The following NFATC1 variants were observed in gnomAD, a reference collection of about 807,000 sequenced individuals.
NFATC1 encodes nuclear factor of activated T cells 1.
A neutral mutation model predicts 76.0 loss-of-function variants in NFATC1; 22 were observed. The ratio of observed to expected loss-of-function variants is 0.29; its 90% CI spans 0.21 to 0.41. NFATC1 has a LOEUF of 0.41. NFATC1 is among the 10% of genes least tolerant of loss of function. The pLI is 1.00. For missense variants in NFATC1, 1,357 were observed against 1,337.7 expected, an observed-to-expected ratio of 1.01 and a Z score of -0.23; for synonymous variants, 704 against 613.1, an observed-to-expected ratio of 1.15 and a Z score of -2.19.
intron 8 of NFATC1, among the ~76,000 whole-genome samples, chr18:79,476,576 C>T (rs1159911461): frequency 6.6e-6 from 1 of 152,210 alleles, no homozygotes; most frequent in Non-Finnish European, 1.5e-5. Flanking sequence ...CTGAGACCCC[C>T]ATCAAGTACC....
At position 79,525,569 on chromosome 18, in the gene NFATC1, C is replaced by T. The variant is rs190479219; in HGVS notation, c.2783-1959C>T. 2.7e-4 allele frequency among the ~76,000 whole-genome samples: 41 copies of T among 152,328 alleles called. 1 individual carries two copies. Among genetic ancestry groups the T allele is most frequent in the Middle Eastern group, 6.8e-3 (2 of 294 alleles). The stretch of plus-strand genomic sequence containing the variant: ...GTTACCTCTCAGGCCTCCCTCCTGT[C>T]CCTGTCGCTGTTACCCTTCAGGGTC... On this transcript the variant is annotated intron_variant, in intron 9 of 9. Transcript: ENST00000427363.
intron 2 of NFATC1, among the ~76,000 whole-genome samples, chr18:79,427,036 G>A (rs1038240634): frequency 5.3e-5 from 8 of 152,244 alleles, no homozygotes; most frequent in African/African-American, 1.7e-4. Flanking sequence ...GGCAGAAGCT[G>A]TGGCCACATG....
intron 9 of NFATC1, chr18:79,497,240 A>G (rs1057255571): frequency 6.6e-6 from 1 of 152,302 alleles, no homozygotes; most frequent in African/African-American, 2.4e-5. Flanking sequence ...ACAAAAATAC[A>G]GCATCACTGT....
At chr18:79,411,568 A>C in intron 2 of NFATC1, 67 bp downstream of exon 2, 1 of 1,055,572 alleles carries the variant, frequency 9.5e-7, no homozygotes, top group Non-Finnish European at 1.2e-6. Flanking sequence ...GAACGCGGGG[A>C]GCGGGACGGG....
intron 2 of NFATC1, among the ~76,000 whole-genome samples, chr18:79,432,583 G>A (rs578050415): frequency 8.5e-5 from 13 of 152,342 alleles, no homozygotes; most frequent in African/African-American, 2.9e-4. Context: ...AGGCTGGGCC[G>A]GGGCTGCAGC....
At position 79,446,867 on chromosome 18, in the gene NFATC1, G is replaced by A. The variant is rs1011497798; in HGVS notation, c.1387-1915G>A. 4.6e-5 allele frequency among the ~76,000 whole-genome samples: 7 copies of A among 152,228 alleles called. No individual in the cohort carries two copies. In the South Asian group the frequency reaches 6.2e-4, roughly 14 times the overall value. On this transcript the variant is annotated intron_variant, in intron 3 of 9. Transcript: ENST00000427363. Reference sequence around the variant, plus strand: ...CATCCCTGTCTGTGGCTTCCCCACCGTGTTCCCACGTGATGCCTTCGTTCA... The same window carrying A: ...CATCCCTGTCTGTGGCTTCCCCACCATGTTCCCACGTGATGCCTTCGTTCA...
At chr18:79,444,793 C>G (rs114633832) in intron 3 of NFATC1, among the ~76,000 whole-genome samples, 125 of 145,656 alleles carry the variant, frequency 8.6e-4, no homozygotes, top group African/African-American at 2.7e-3. Context: ...ACCCCCGTGG[C>G]CACACACATG....
chr18:79,402,487 C>A, intron 1 of NFATC1: 1 of 761,736 alleles, frequency 1.3e-6, no homozygotes. Flanking sequence ...GCACCCTGGG[C>A]CCTCCGGAGC....
intron 2 of NFATC1, 53 bp downstream of exon 2, chr18:79,411,554 G>T: frequency 7.8e-7 from 1 of 1,284,240 alleles, no homozygotes. Flanking sequence ...CGCGGGGCGG[G>T]GCGGAACGCG....
intron 1 of NFATC1, among the ~76,000 whole-genome samples, chr18:79,398,498 C>A (rs1311121225): frequency 6.6e-6 from 1 of 152,240 alleles, no homozygotes; most frequent in Non-Finnish European, 1.5e-5. Context: ...GGACCAATAG[C>A]TCTGAACCAT....
chr18:79,466,691 C>G (rs1032839493), intron 7 of NFATC1, among the ~76,000 whole-genome samples: 1 of 152,248 alleles, frequency 6.6e-6, no homozygotes, highest in Non-Finnish European at 1.5e-5. Context: ...GTTCCCACCC[C>G]GGGGTCTGCG....
intron 2 of NFATC1, among the ~76,000 whole-genome samples, chr18:79,425,613 C>T (rs1450119420): frequency 3.3e-5 from 5 of 152,252 alleles, no homozygotes; most frequent in African/African-American, 1.2e-4. Flanking sequence ...TGCCTCTGCT[C>T]TGGGCTTCTG....
In NFATC1 at chr18:79,528,240, A is replaced by G. The variant is rs2090819161; in HGVS notation, c.*663A>G. The G allele has an allele frequency of 6.8e-6, 2 of 296,086 alleles. No individual in the cohort carries two copies. Among genetic ancestry groups the G allele is most frequent in the Non-Finnish European group, 1.2e-5 (2 of 161,430 alleles). The allele number at this position is 296,086 out of a possible 1,614,324, so 18.3% of individuals were successfully genotyped here. On this transcript the variant is annotated 3_prime_UTR_variant, in exon 10 of 10. Coordinates refer to ENST00000427363, the MANE Select transcript of NFATC1 (RefSeq NM_001278669.2). Reference sequence around the variant, plus strand: ...CGCGGTTGAAACCGTAGGCTTGTTCATAGTCGCATGCTCGCATCTTTGTTT... The same window carrying G: ...CGCGGTTGAAACCGTAGGCTTGTTCGTAGTCGCATGCTCGCATCTTTGTTT...
At chr18:79,520,521 ACT>A (rs983728908) in intron 9 of NFATC1, among the ~76,000 whole-genome samples, 4 of 142,076 alleles carry the variant, frequency 2.8e-5, no homozygotes, top group Non-Finnish European at 6.1e-5. Context: ...GCAGCAGAAG[ACT>A]CTGTGTGTGG....
chr18:79,411,888 TCA>T (rs905381195), intron 2 of NFATC1, among the ~76,000 whole-genome samples: 13 of 152,328 alleles, frequency 8.5e-5, no homozygotes, highest in East Asian at 1.9e-4. Flanking sequence ...TAAGGAGGGC[TCA>T]CACACGCGCA....
chr18:79,400,365 C>T, intron 1 of NFATC1: 4 of 1,402,116 alleles, frequency 2.9e-6, no homozygotes, highest in Non-Finnish European at 3.7e-6. Flanking sequence ...GACCCCGGCT[C>T]CCGCCCCGGC....
rs897478136 is a variant in NFATC1 at position 79,410,341 on chromosome 18, A to G, written c.128-62A>G. 5.8e-6 allele frequency: 9 copies of G among 1,540,944 alleles called. No homozygotes were observed. Among genetic ancestry groups the G allele is most frequent in the Middle Eastern group, 1.7e-4 (1 of 5,748 alleles). ...GGGGTTGCTGGCCGGCCCTGAGTTC[A>G]TGGGTTTCTGCTTTGTGATGCCCAG... is the stretch of plus-strand genomic sequence containing the variant. On this transcript the variant is annotated intron_variant, in intron 1 of 9. Coordinates refer to ENST00000427363, the MANE Select transcript of NFATC1 (RefSeq NM_001278669.2). The surrounding 1 kb of genome is among the most constrained non-coding windows in gnomAD (Gnocchi z 6.7).
At chr18:79,400,667 G>C (rs1424273420) in intron 1 of NFATC1, among the ~76,000 whole-genome samples, 1 of 96,648 alleles carries the variant, frequency 1.0e-5, no homozygotes, top group Non-Finnish European at 2.3e-5. Flanking sequence ...TCCTCCGAGC[G>C]CTCGCGGCGG....
chr18:79,520,774 TGTGTGTGTGTGTGGGGGGGCATCCACTG>T (rs2090517701), intron 9 of NFATC1, among the ~76,000 whole-genome samples: 1 of 58,126 alleles, frequency 1.7e-5, no homozygotes, highest in Non-Finnish European at 3.0e-5. Flanking sequence ...CATCCACTGA[TGTGTGTGTGTGTGGGGGGGCATCCACTG>T]ATGTGTGTGT....
Sources: allele counts gnomAD v4.1 joint callset (sites outside exome capture counted in the v4.1 genomes callset), GRCh38; gene constraint gnomAD v4.1.1; non-coding constraint Gnocchi (gnomAD v3.1); transcripts MANE v1.5; gene names NCBI Gene and HGNC (gene_info 2026-07-23, HGNC 2026-07-21).